Variants in C1QTNF3 observed in about 807,000 individuals in gnomAD.
C1QTNF3 encodes complement C1q tumor necrosis factor-related protein 3.
Under a neutral mutation model 32.6 loss-of-function variants are expected in C1QTNF3, and 26 were observed. The ratio of observed to expected loss-of-function variants is 0.80; its 90% CI spans 0.58 to 1.11. The LOEUF is 1.11. C1QTNF3 is among the 50% of genes least tolerant of loss of function. C1QTNF3 has a pLI of 0.00. For missense variants in C1QTNF3, 362 were observed against 398.2 expected, an observed-to-expected ratio of 0.91 and a Z score of 0.77; for synonymous variants, 155 against 146.0, an observed-to-expected ratio of 1.06 and a Z score of -0.44.
At chr5:34,163,006 T>G in the C1QTNF3 span, among the ~76,000 whole-genome samples, 1 of 152,164 alleles carries the variant, frequency 6.6e-6, no homozygotes, top group African/African-American at 2.4e-5. Context: ...CAATTACACA[T>G]AATCAATGTA....
the C1QTNF3 span, among the ~76,000 whole-genome samples, chr5:34,087,889 A>ATT: frequency 6.6e-6 from 1 of 152,100 alleles, no homozygotes; most frequent in Non-Finnish European, 1.5e-5. Context: ...TGGCCCTTTT[A>ATT]TTTTTTTATT....
chr5:34,036,429 G>A (rs1428373023), intron 1 of C1QTNF3, among the ~76,000 whole-genome samples: 2 of 152,108 alleles, frequency 1.3e-5, no homozygotes, highest in Non-Finnish European at 2.9e-5. Context: ...TAAGTACACA[G>A]TGTAAAATAC....
At chr5:34,178,468 C>T in the C1QTNF3 span, among the ~76,000 whole-genome samples, 1 of 152,286 alleles carries the variant, frequency 6.6e-6, no homozygotes, top group Non-Finnish European at 1.5e-5. Flanking sequence ...AACTCCAACC[C>T]TGGAGTTACT....
chr5:34,164,913 G>A, the C1QTNF3 span: 2 of 151,494 alleles, frequency 1.3e-5, no homozygotes, highest in Admixed American at 1.3e-4. Flanking sequence ...TAGTTCAGAT[G>A]GATCTTACCA....
the C1QTNF3 span, among the ~76,000 whole-genome samples, chr5:34,156,084 T>A: frequency 2.0e-5 from 3 of 152,198 alleles, no homozygotes; most frequent in Non-Finnish European, 4.4e-5. Flanking sequence ...ATTTATTTAT[T>A]TTTTGCAACA....
upstream of C1QTNF3, among the ~76,000 whole-genome samples, chr5:34,046,082 T>C (rs1754980151): frequency 6.6e-6 from 1 of 152,204 alleles, no homozygotes; most frequent in Non-Finnish European, 1.5e-5. Context: ...TTTTTGTAAA[T>C]GCCTATATTA....
chr5:34,109,565 C>A, the C1QTNF3 span, among the ~76,000 whole-genome samples: 3 of 151,732 alleles, frequency 2.0e-5, no homozygotes, highest in African/African-American at 7.3e-5. Context: ...ACTCTGACAG[C>A]AGGAATCAGG....
chr5:34,213,058 T>A, the C1QTNF3 span, among the ~76,000 whole-genome samples: 323 of 152,110 alleles, frequency 2.1e-3, 1 homozygote, highest in African/African-American at 7.4e-3. Flanking sequence ...CAACTAAGAG[T>A]GGATTTCTAT....
the C1QTNF3 span, among the ~76,000 whole-genome samples, chr5:34,089,648 T>C: frequency 2.0e-5 from 3 of 152,214 alleles, no homozygotes; most frequent in Non-Finnish European, 4.4e-5. Flanking sequence ...TATTTTTCTA[T>C]AGCGTTCTGC....
the C1QTNF3 span, among the ~76,000 whole-genome samples, chr5:34,240,690 T>C: frequency 6.6e-6 from 1 of 152,112 alleles, no homozygotes. Context: ...CTACCGGAAG[T>C]ATAAAGAAGA....
At chr5:34,164,255 A>G in the C1QTNF3 span, among the ~76,000 whole-genome samples, 1 of 152,170 alleles carries the variant, frequency 6.6e-6, no homozygotes, top group East Asian at 1.9e-4. Flanking sequence ...GTTAGGAAGC[A>G]GACTGTGATG....
chr5:34,061,525 CAG>C, the C1QTNF3 span, among the ~76,000 whole-genome samples: 1 of 152,220 alleles, frequency 6.6e-6, no homozygotes, highest in East Asian at 1.9e-4. Context: ...CCTGGACATC[CAG>C]ATATTTCCAT....
At chr5:34,167,714 T>A in the C1QTNF3 span, 1 of 152,328 alleles carries the variant, frequency 6.6e-6, no homozygotes, top group East Asian at 1.9e-4. Flanking sequence ...GGGAAAACCC[T>A]GTATCCTCCT....
chr5:34,020,812 G>C, intron 5 of C1QTNF3, 70 bp from the exon 6 acceptor site: 1 of 1,486,084 alleles, frequency 6.7e-7, no homozygotes, highest in East Asian at 2.3e-5. Context: ...CAAAGTCTGT[G>C]CTCCCCTTCT....
the C1QTNF3 span, among the ~76,000 whole-genome samples, chr5:34,164,422 G>A: frequency 1.3e-5 from 2 of 151,996 alleles, no homozygotes; most frequent in Middle Eastern, 6.8e-3. Context: ...AAAAGGAATA[G>A]TGACTCAGGT....
chr5:34,229,358 C>A, the C1QTNF3 span, among the ~76,000 whole-genome samples: 1 of 151,960 alleles, frequency 6.6e-6, no homozygotes, highest in African/African-American at 2.4e-5. Flanking sequence ...GAGCTGAAAG[C>A]AATCAATAAA....
chr5:34,066,000 T>C, the C1QTNF3 span, among the ~76,000 whole-genome samples: 2 of 152,164 alleles, frequency 1.3e-5, no homozygotes, highest in African/African-American at 4.8e-5. Context: ...TATGCAGCCA[T>C]AAAAAAAGAA....
the C1QTNF3 span, among the ~76,000 whole-genome samples, chr5:34,138,135 A>C: frequency 6.6e-6 from 1 of 152,184 alleles, no homozygotes; most frequent in Admixed American, 6.5e-5. Flanking sequence ...ACCCGCTGAC[A>C]CCTTGATGTC....
the C1QTNF3 span, among the ~76,000 whole-genome samples, chr5:34,143,616 A>C: frequency 2.0e-5 from 3 of 152,210 alleles, no homozygotes; most frequent in Non-Finnish European, 4.4e-5. Flanking sequence ...AACCCAGAAG[A>C]GATTGGGCTT....
Sources: gnomAD v4.1 joint callset for allele counts (sites outside exome capture counted in the v4.1 genomes callset) on GRCh38, gnomAD v4.1.1 for gene constraint, MANE v1.5 for transcripts, NCBI Gene and HGNC (gene_info 2026-07-23, HGNC 2026-07-21) for gene names.